Variants in MTA3 observed in about 807,000 individuals in gnomAD.
MTA3 encodes the protein metastasis associated 1 family member 3, also known as metastasis-associated protein MTA3.
In MTA3, 34 loss-of-function variants were observed where a neutral mutation model predicts 83.5. That is an observed-to-expected ratio of 0.41 (90% CI 0.31 to 0.54). The LOEUF (loss-of-function observed/expected upper bound fraction) is 0.54, where lower values mean the gene tolerates loss of function less well. MTA3 is among the 20% of genes least tolerant of loss of function. MTA3 has a pLI of 0.33. For missense variants in MTA3, 761 were observed against 726.4 expected (o/e 1.05, Z -0.55); for synonymous variants, 303 against 252.7 (o/e 1.20, Z -1.89).
rs367785508 is a variant in MTA3, at chr2:42,708,959, A to G, written c.1388A>G (p.Lys463Arg). ...ACTGGGAGTCCAAAGTCTGCAGTGA[A>G]GACCCGCCAAGCTTTCTTCCTTCAT... ...RNTGSPKSAV[K>R]TRQAFFLHTT... Residue 463 changes from lysine to arginine, a missense_variant, in exon 14 of 17, where the codon AAG (lysine) becomes AGG (arginine). By Grantham distance (26) the Lys-to-Arg change is conservative. Coordinates refer to ENST00000405094, the MANE Select transcript of MTA3 (RefSeq NM_001330442.2). 1.7e-5 allele frequency: 27 copies of G among 1,614,044 alleles called. No individual in the cohort carries two copies. In the African/African-American group the frequency reaches 3.2e-4, roughly 19 times the overall value.
chr2:42,644,127 G>C lies in MTA3; in HGVS notation c.382G>C (p.Asp128His). The C allele has an allele frequency of 1.3e-6, 2 of 1,577,182 alleles. No individual in the cohort carries two copies. Among genetic ancestry groups the C allele is most frequent in the Non-Finnish European group, 1.7e-6 (2 of 1,158,712 alleles). ...CTATGTATTTTGTCATATTTTTCAG[G>C]ATACCTTCTTCTACTCATTGGTCTA... The part of the protein sequence containing the change: ...ESVLSYLDKE[D>H]TFFYSLVYDP... The change falls in exon 6 of 17, where the codon GAT becomes CAT. Residue 128 changes from aspartate to histidine, a missense_variant and splice_region_variant. Transcript: ENST00000405094.
chr2:42,585,929 C>G (rs775378010), intron 3 of MTA3, among the ~76,000 whole-genome samples: 69 of 152,012 alleles, frequency 4.5e-4, no homozygotes, highest in African/African-American at 7.2e-4. Flanking sequence ...TAGAGTGACA[C>G]CTGTGTCTCT....
At position 42,562,151 on chromosome 2, in the gene MTA3, C is replaced by T. The variant is rs1276731007; in HGVS notation, c.-140-8286C>T. 3.3e-5 allele frequency among the ~76,000 whole-genome samples: 5 copies of T among 152,174 alleles called. No individual in the cohort carries two copies. The East Asian group carries it at 7.7e-4, about 23-fold the overall frequency. ...TCTCTGTGTCTTTCTTCTTCTGTCT[C>T]TTATAAGGACACATGTCATTAGACT... On this transcript the variant is annotated intron_variant, in intron 2 of 17. Transcript: ENST00000405592.
In MTA3 at chr2:42,515,202, G is replaced by T. The variant is rs192486370; in HGVS notation, c.-141+19948G>T. On this transcript the variant is annotated intron_variant, in intron 2 of 17. Coordinates refer to the MTA3 transcript ENST00000405592. ...GCCTCCTGAGTAGCTGGGATTACAG[G>T]TGCCCACCACCACACCTGGCTAATT... is the stretch of plus-strand genomic sequence containing the variant. Among the ~76,000 whole-genome samples the T allele has an allele frequency of 8.9e-3, 1,353 of 152,116 alleles. 7 individuals are homozygous for T. The highest frequency in any genetic ancestry group is 0.029 in the East Asian group (149 of 5,154).
At chr2:42,538,948 G>C (rs544345760) in intron 2 of MTA3, among the ~76,000 whole-genome samples, 8 of 149,914 alleles carry the variant, frequency 5.3e-5, no homozygotes, top group Non-Finnish European at 7.4e-5. Flanking sequence ...CTAATTTTTT[G>C]TATTTTTAGT....
At chr2:42,530,609 C>A (rs1675918690) in intron 2 of MTA3, among the ~76,000 whole-genome samples, 3 of 151,642 alleles carry the variant, frequency 2.0e-5, no homozygotes. Flanking sequence ...CATGGAGAAA[C>A]CCCCTCTCTA....
chr2:42,697,920 A>G, intron 11 of MTA3, 86 bp downstream of exon 11: 1 of 998,128 alleles, frequency 1.0e-6, no homozygotes. Flanking sequence ...TTTCAGCAAA[A>G]TTTGAACTTT....
intron 2 of MTA3, among the ~76,000 whole-genome samples, chr2:42,531,543 C>T (rs1030194947): frequency 7.5e-5 from 11 of 146,688 alleles, no homozygotes; most frequent in Non-Finnish European, 3.0e-5. Flanking sequence ...ACCTCTGCCT[C>T]CCGGGTTCAA....
chr2:42,686,935 A>G (rs1462393161), intron 9 of MTA3, among the ~76,000 whole-genome samples: 5 of 150,800 alleles, frequency 3.3e-5, no homozygotes, highest in Non-Finnish European at 7.4e-5. Flanking sequence ...GCTGGCCAAT[A>G]TGGTGAAACC....
chr2:42,532,776 T>C (rs1173352005), intron 2 of MTA3: 2 of 323,640 alleles, frequency 6.2e-6, no homozygotes. Flanking sequence ...CATGAACTCA[T>C]AGGGAATGGG....
chr2:42,586,537 AC>A (rs1680330369), intron 3 of MTA3, among the ~76,000 whole-genome samples: 2 of 56,992 alleles, frequency 3.5e-5, no homozygotes, highest in Non-Finnish European at 7.3e-5. Flanking sequence ...AAGGAAAAAC[AC>A]ACACACACAA....
intron 8 of MTA3, among the ~76,000 whole-genome samples, chr2:42,673,132 G>T (rs927460946): frequency 1.3e-5 from 2 of 151,802 alleles, no homozygotes; most frequent in Non-Finnish European, 2.9e-5. Flanking sequence ...GGGATTACAG[G>T]TGTGAGCCAC....
chr2:42,587,510 T>C (rs1680484270), intron 3 of MTA3, among the ~76,000 whole-genome samples: 1 of 152,222 alleles, frequency 6.6e-6, no homozygotes, highest in African/African-American at 2.4e-5. Flanking sequence ...ATACACACGT[T>C]CTTTCCTTTG....
intron 9 of MTA3, among the ~76,000 whole-genome samples, chr2:42,693,453 T>C (rs1171492483): frequency 6.6e-6 from 1 of 152,162 alleles, no homozygotes; most frequent in Non-Finnish European, 1.5e-5. Context: ...CAAACCACAA[T>C]ATAAAATCCT....
Position 42,718,988 on chromosome 2 carries a change from A to C in MTA3, c.1526A>C (p.Tyr509Ser), listed in dbSNP as rs1280461642. 1.4e-5 allele frequency: 22 copies of C among 1,549,254 alleles called. No homozygotes were observed. Among genetic ancestry groups the C allele is most frequent in the Non-Finnish European group, 1.8e-5 (21 of 1,145,840 alleles). ...AINYAAIRAE[Y>S]ADRHAELSGS... is the part of the protein sequence containing the mutation. Reference sequence around the variant, plus strand: ...TCTCCATGTTTCTTTCTCTCCTCAGATGCAGACAGACATGCTGAACTATCT... The same window carrying C: ...TCTCCATGTTTCTTTCTCTCCTCAGCTGCAGACAGACATGCTGAACTATCT... Residue 509 changes from tyrosine (Y) to serine (S), a missense_variant and splice_region_variant, in exon 15 of 17, where the codon TAT becomes TCT. Transcript: ENST00000405094.
At chr2:42,606,220 G>T (rs866726976) in intron 3 of MTA3, among the ~76,000 whole-genome samples, 1 of 141,470 alleles carries the variant, frequency 7.1e-6, no homozygotes, top group Non-Finnish European at 1.5e-5. Flanking sequence ...CCTCCCTCCC[G>T]GACGGGGTGG....
At position 42,634,536 on chromosome 2, in the gene MTA3, C is replaced by G. The variant is rs377171777; in HGVS notation, c.318-5637C>G. On this transcript the variant is annotated intron_variant, in intron 4 of 16. Transcript: ENST00000405094. ...GAGAACTCACTATCATGAAACTGCC[C>G]CCGTGATCCAATCACCACCCACTAG... Among the ~76,000 whole-genome samples the G allele has an allele frequency of 9.9e-5, 15 of 152,206 alleles. No individual in the cohort carries two copies. In the East Asian group the frequency reaches 2.3e-3, roughly 23 times the overall value.
intron 9 of MTA3, among the ~76,000 whole-genome samples, chr2:42,690,918 C>G (rs1055486324): frequency 6.7e-6 from 1 of 149,276 alleles, no homozygotes; most frequent in Non-Finnish European, 1.5e-5. Flanking sequence ...ACTCTGTTGC[C>G]CAAGCTAGAG....
intron 4 of MTA3, among the ~76,000 whole-genome samples, chr2:42,616,291 G>C (rs910258073): frequency 5.3e-5 from 8 of 151,908 alleles, no homozygotes; most frequent in African/African-American, 1.5e-4. Flanking sequence ...TCGAACTCCT[G>C]ACTTCAGGTG....
Sources: allele counts gnomAD v4.1 joint callset (sites outside exome capture counted in the v4.1 genomes callset), GRCh38; gene constraint gnomAD v4.1.1; transcripts MANE v1.5; gene names NCBI Gene and HGNC (gene_info 2026-07-23, HGNC 2026-07-21).